Variants in VAV1 observed in about 807,000 individuals in gnomAD.
VAV1 encodes the protein proto-oncogene vav.
A neutral mutation model predicts 128.1 loss-of-function variants in VAV1; 33 were observed. The observed-to-expected ratio is 0.26, with a 90% confidence interval of 0.20 to 0.34. The LOEUF (loss-of-function observed/expected upper bound fraction) is 0.34, where lower values mean the gene tolerates loss of function less well. Ranked by LOEUF, VAV1 falls within the 10% of genes least tolerant of loss-of-function variation. The probability of loss-of-function intolerance (pLI) is 1.00; values close to 1 mark genes in which losing one functional copy is unlikely to be tolerated. For synonymous variants in VAV1, 394 were observed against 409.8 expected (o/e 0.96, Z 0.47); for missense variants, 715 against 1,093.7 (o/e 0.65, Z 4.88).
chr19:6,828,236 A>ACG lies in VAV1; in HGVS notation c.1023+66_1023+67dup. 1 of 1,590,956 alleles carries ACG rather than the reference A, an allele frequency of 6.3e-7. No individual in the cohort carries two copies. The highest frequency in any genetic ancestry group is 1.7e-5 in the Admixed American group (1 of 58,242). ...CTCTCCTGTGTCTATAAAAGTGGGG[A>ACG]CGGGGCTGGCTTCTGGGGGTTGGGT... On this transcript the variant is annotated intron_variant, in intron 10 of 26. Coordinates refer to ENST00000602142, the MANE Select transcript of VAV1 (RefSeq NM_005428.4). The surrounding 1 kb of genome is among the most constrained non-coding windows in gnomAD (Gnocchi z 4.5).
intron 1 of VAV1, among the ~76,000 whole-genome samples, chr19:6,787,316 C>T (rs1176973658): frequency 1.3e-5 from 2 of 152,100 alleles, no homozygotes; most frequent in Non-Finnish European, 2.9e-5. Flanking sequence ...GTTGGGACTA[C>T]AGGTGCACAC....
chr19:6,830,259 A>G (rs1415159047), intron 14 of VAV1, among the ~76,000 whole-genome samples: 2 of 151,606 alleles, frequency 1.3e-5, no homozygotes, highest in South Asian at 2.1e-4. Context: ...GGGTTTCACC[A>G]TGTTGGCCAG....
intron 1 of VAV1, among the ~76,000 whole-genome samples, chr19:6,783,701 C>T (rs937465091): frequency 2.0e-5 from 3 of 152,000 alleles, no homozygotes; most frequent in Admixed American, 6.6e-5. Flanking sequence ...CTCCTGACCT[C>T]GGGTGATCCA....
chr19:6,854,209 T>A, intron 26 of VAV1, 111 bp downstream of exon 26: 1 of 1,401,522 alleles, frequency 7.1e-7, no homozygotes, highest in Non-Finnish European at 9.7e-7. Context: ...TGGAGATCTC[T>A]CACGGTGGGA....
intron 1 of VAV1, among the ~76,000 whole-genome samples, chr19:6,792,169 T>C (rs1162299453): frequency 2.6e-5 from 4 of 151,778 alleles, no homozygotes; most frequent in African/African-American, 4.8e-5. Context: ...CTGGGCAACA[T>C]AGTGAGATCC....
At chr19:6,844,060 CTTCTTTTTTTTTTTTTTTTTTTTTTTTTT>C (rs989009295) in intron 22 of VAV1, among the ~76,000 whole-genome samples, 3 of 18,798 alleles carry the variant, frequency 1.6e-4, no homozygotes, top group African/African-American at 5.4e-4. Flanking sequence ...TCTTCTTCTT[CTTCTTTTTTTTTTTTTTTTTTTTTTTTTT>C]TTTTTTTTTT....
intron 26 of VAV1, among the ~76,000 whole-genome samples, chr19:6,855,402 A>G (rs973821444): frequency 6.6e-6 from 1 of 151,818 alleles, no homozygotes; most frequent in African/African-American, 2.4e-5. Context: ...CCATCCATCT[A>G]TCCATCCATC....
At chr19:6,847,181 G>C (rs955203478) in intron 22 of VAV1, among the ~76,000 whole-genome samples, 1 of 152,122 alleles carries the variant, frequency 6.6e-6, no homozygotes, top group Non-Finnish European at 1.5e-5. Context: ...CAAAGTGCTG[G>C]GATTACAGGC....
At chr19:6,823,060 G>A (rs1971834814) in intron 6 of VAV1, among the ~76,000 whole-genome samples, 1 of 147,048 alleles carries the variant, frequency 6.8e-6, no homozygotes, top group Non-Finnish European at 1.5e-5. Context: ...CAAGATATAT[G>A]TCCATATGTA....
At chr19:6,845,474 A>G (rs1972498757) in intron 22 of VAV1, among the ~76,000 whole-genome samples, 1 of 151,982 alleles carries the variant, frequency 6.6e-6, no homozygotes, top group Non-Finnish European at 1.5e-5. Context: ...TGTTACTGGC[A>G]TTTCTATTTC....
At position 6,852,995 on chromosome 19, in the gene VAV1, C is replaced by T; in HGVS notation, c.2248C>T (p.Leu750=). The change falls in exon 25 of 27, where the codon CTA becomes TTA. Residue 750 remains leucine (L), a synonymous_variant. Transcript: ENST00000602142. ...ELVEFYQQNS[L]KDCFKSLDTT... ...GGTGGAGTTTTACCAGCAGAACTCT[C>T]TAAAGGATTGCTTCAAGTCTCTGGA... The T allele has an allele frequency of 6.2e-7, 1 of 1,611,234 alleles. No homozygotes were observed. The highest frequency in any genetic ancestry group is 2.2e-5 in the East Asian group (1 of 44,724).
chr19:6,814,686 T>C lies in VAV1; in HGVS notation c.205-6016T>C, dbSNP rs546347446. On this transcript the variant is annotated intron_variant, in intron 1 of 26. Transcript: ENST00000602142. ...TTCCTTCCTTCCTTTCTTTCTTTCTTTCTTTCTTTCTTTCTTTCTTTCTTT... is the reference window on the plus strand; with the variant it reads ...TTCCTTCCTTCCTTTCTTTCTTTCTCTCTTTCTTTCTTTCTTTCTTTCTTT... 8.2e-4 allele frequency among the ~76,000 whole-genome samples: 97 copies of C among 118,002 alleles called. 2 individuals are homozygous for C. The highest frequency in any genetic ancestry group is 3.5e-3 in the African/African-American group (89 of 25,108). The allele number at this position is 118,002 out of a possible 152,430, so 77.4% of individuals were successfully genotyped here. A position where few individuals can be genotyped will look rare whatever the true frequency, so the allele number is the denominator to read the frequency against.
intron 1 of VAV1, among the ~76,000 whole-genome samples, chr19:6,776,153 T>C (rs1266936579): frequency 6.0e-5 from 3 of 49,840 alleles, no homozygotes; most frequent in Admixed American, 5.1e-4. Flanking sequence ...TCTGCTCATC[T>C]ATCCACCCAT....
At chr19:6,841,747 T>C (rs1972383118) in intron 21 of VAV1, among the ~76,000 whole-genome samples, 1 of 151,974 alleles carries the variant, frequency 6.6e-6, no homozygotes, top group Non-Finnish European at 1.5e-5. Flanking sequence ...GTGCTGGGAT[T>C]ACAGGCATGA....
chr19:6,847,564 T>C (rs571737319), intron 22 of VAV1, among the ~76,000 whole-genome samples: 14 of 152,350 alleles, frequency 9.2e-5, no homozygotes, highest in African/African-American at 1.2e-4. Flanking sequence ...GTTTTACTTA[T>C]TGTCATTTAC....
Position 6,838,585 on chromosome 19 carries a change from A to G in VAV1, c.1980+1535A>G, listed in dbSNP as rs78947103. Among the ~76,000 whole-genome samples the G allele has an allele frequency of 9.7e-3, 1,484 of 152,208 alleles. 22 individuals carry two copies. The highest frequency in any genetic ancestry group is 0.034 in the African/African-American group (1,408 of 41,540). The stretch of plus-strand genomic sequence containing the variant: ...TTTTCACCTACCGATCTAACCATCT[A>G]TCATCTGTCTATTACCTATTTATTA... On this transcript the variant is annotated intron_variant, in intron 21 of 26. Transcript: ENST00000602142.
chr19:6,820,473 G>A lies in VAV1; in HGVS notation c.205-229G>A, dbSNP rs775241779. Among the ~76,000 whole-genome samples, 9 of 152,132 alleles carry A rather than the reference G, an allele frequency of 5.9e-5. No individual in the cohort carries two copies. Among genetic ancestry groups the A allele is most frequent in the African/African-American group, 1.4e-4 (6 of 41,424 alleles). The stretch of plus-strand genomic sequence containing the variant: ...ATGGATATACCACATTTGTTTAACC[G>A]TTAGTGATTAATTTTATCTTTTGTG... On this transcript the variant is annotated intron_variant, in intron 1 of 26. Coordinates refer to ENST00000602142, the MANE Select transcript of VAV1 (RefSeq NM_005428.4). This position sits in a 1 kb window ranked among gnomAD's most constrained non-coding sequence, Gnocchi z 4.4.
intron 1 of VAV1, among the ~76,000 whole-genome samples, chr19:6,807,989 CAAAAAAAAAAA>C (rs980612666): frequency 3.8e-5 from 2 of 52,292 alleles, no homozygotes; most frequent in Non-Finnish European, 7.9e-5. Context: ...GACTCTGTCT[CAAAAAAAAAAA>C]AAAAAAAAGA....
chr19:6,853,667 G>T (rs1972720509), intron 25 of VAV1, among the ~76,000 whole-genome samples: 1 of 151,904 alleles, frequency 6.6e-6, no homozygotes, highest in South Asian at 2.1e-4. Context: ...GGAGGCATAG[G>T]TTGCAGTGAG....
Sources: gnomAD v4.1 joint callset for allele counts (sites outside exome capture counted in the v4.1 genomes callset) on GRCh38, gnomAD v4.1.1 for gene constraint, Gnocchi (gnomAD v3.1) non-coding constraint, MANE v1.5 for transcripts, NCBI Gene and HGNC (gene_info 2026-07-23, HGNC 2026-07-21) for gene names.